The following CHD2 variants were observed in gnomAD, a reference collection of about 807,000 sequenced individuals.
CHD2 encodes ATP-dependent chromatin remodeler CHD2.
In CHD2, 28 loss-of-function variants were observed where a neutral mutation model predicts 243.9. The observed-to-expected ratio is 0.11, with a 90% CI of 0.09 to 0.16. CHD2 has a LOEUF of 0.16. CHD2 is among the 10% of genes least tolerant of loss of function. The pLI, the probability that CHD2 is intolerant of heterozygous loss-of-function variation, is 1.00. For missense variants in CHD2, 1,386 were observed against 2,209.8 expected (o/e 0.63, Z 7.47); for synonymous variants, 775 against 779.0 (o/e 0.99, Z 0.09).
intron 2 of CHD2, chr15:92,904,953 G>A (rs2052591958): frequency 6.5e-7 from 1 of 1,535,992 alleles, no homozygotes; most frequent in Non-Finnish European, 8.7e-7. Context: ...GTCCCCATGC[G>A]TTTTTACTTG....
At chr15:92,914,029 C>T (rs1219542671) in intron 2 of CHD2, among the ~76,000 whole-genome samples, 1 of 152,154 alleles carries the variant, frequency 6.6e-6, no homozygotes, top group Non-Finnish European at 1.5e-5. Flanking sequence ...GTAATCAGAT[C>T]TTTTAATCTC....
rs2053278564 is a variant in CHD2, at chr15:92,937,056, G to T, written c.444-462G>T. Among the ~76,000 whole-genome samples the T allele has an allele frequency of 2.6e-5, 4 of 152,152 alleles. No homozygotes were observed. The South Asian group carries it at 8.3e-4, about 32-fold the overall frequency. ...TTTTAACTTTAATTTTTCTGGAGAGGTGTCTTGTATTGCTCAGCTTGGTCT... is the reference window on the plus strand; with the variant it reads ...TTTTAACTTTAATTTTTCTGGAGAGTTGTCTTGTATTGCTCAGCTTGGTCT... On this transcript the variant is annotated intron_variant, in intron 5 of 38. Transcript: ENST00000394196.
At chr15:93,001,182 G>C (rs1414458708) in intron 32 of CHD2, among the ~76,000 whole-genome samples, 1 of 152,060 alleles carries the variant, frequency 6.6e-6, no homozygotes, top group Non-Finnish European at 1.5e-5. Context: ...AAGTTTTAAT[G>C]ATAAATGGCG....
In CHD2 at chr15:92,967,306, T is replaced by C; in HGVS notation, c.2001-19T>C. ...TTTCCTCAATGTGGCTAAATAACACTATACTGTTTCTTCCCTAGGTTTGAA... is the reference window on the plus strand; with the variant it reads ...TTTCCTCAATGTGGCTAAATAACACCATACTGTTTCTTCCCTAGGTTTGAA... On this transcript the variant is annotated intron_variant, in intron 16 of 38. Coordinates refer to ENST00000394196, the MANE Select transcript of CHD2 (RefSeq NM_001271.4). 6.4e-7 allele frequency: 1 copy of C among 1,573,328 alleles called. No homozygotes were observed. The highest frequency in any genetic ancestry group is 8.7e-7 in the Non-Finnish European group (1 of 1,155,696).
rs1208486495 is a variant in CHD2 at position 92,900,837 on chromosome 15, T to TC, written c.-72+14dup. The TC allele has an allele frequency of 2.5e-6, 1 of 407,630 alleles. No individual in the cohort carries two copies. The highest frequency in any genetic ancestry group is 4.3e-6 in the Non-Finnish European group (1 of 232,554). 25.3% of individuals were successfully genotyped at this position (407,630 alleles called of 1,614,324 possible). A position where few individuals can be genotyped will look rare whatever the true frequency, so the allele number is the denominator to read the frequency against. On this transcript the variant is annotated intron_variant, in intron 1 of 38. Transcript: ENST00000394196. ...CTACATGGATCAGGTAAGTTCACGA[T>TC]CATTGGTGATAATTTTAAAGATTTA...
At chr15:93,006,126 T>C (rs112512399) in intron 34 of CHD2, among the ~76,000 whole-genome samples, 93 of 128,972 alleles carry the variant, frequency 7.2e-4, no homozygotes, top group East Asian at 4.6e-3. Flanking sequence ...CTCTCTCTCT[T>C]TTTTTTTTTT....
intron 33 of CHD2, among the ~76,000 whole-genome samples, chr15:93,003,313 T>G (rs1038091289): frequency 6.6e-6 from 1 of 150,984 alleles, no homozygotes; most frequent in Non-Finnish European, 1.5e-5. Flanking sequence ...AAATCATTTT[T>G]AATAGTTGGG....
intron 5 of CHD2, among the ~76,000 whole-genome samples, chr15:92,937,261 T>C (rs1307830736): frequency 8.1e-6 from 1 of 124,058 alleles, no homozygotes; most frequent in Non-Finnish European, 1.7e-5. Context: ...ATCTTGTCAA[T>C]AAGAGTAGTA....
chr15:92,937,382 C>A, intron 5 of CHD2, 136 bp from the exon 6 acceptor site: 1 of 606,642 alleles, frequency 1.6e-6, no homozygotes, highest in South Asian at 2.1e-5. Context: ...TTAAATGGAG[C>A]TAGAATCTCT....
chr15:92,951,797 G>A (rs2053557695), intron 13 of CHD2, among the ~76,000 whole-genome samples: 1 of 152,146 alleles, frequency 6.6e-6, no homozygotes, highest in African/African-American at 2.4e-5. Context: ...GAGATGTATA[G>A]GGGTATGGCT....
intron 2 of CHD2, among the ~76,000 whole-genome samples, chr15:92,911,806 A>G (rs925470261): frequency 5.3e-5 from 8 of 152,284 alleles, no homozygotes; most frequent in Non-Finnish European, 1.0e-4. Flanking sequence ...GACTGCGGAA[A>G]ATAGTAAAAA....
At chr15:93,001,589 T>C (rs2054257211) in intron 32 of CHD2, among the ~76,000 whole-genome samples, 1 of 152,144 alleles carries the variant, frequency 6.6e-6, no homozygotes, top group Non-Finnish European at 1.5e-5. Flanking sequence ...CGATCTGGGC[T>C]CACAGCAGCT....
intron 16 of CHD2, among the ~76,000 whole-genome samples, chr15:92,957,110 A>C (rs2053625993): frequency 6.6e-6 from 1 of 152,240 alleles, no homozygotes; most frequent in African/African-American, 2.4e-5. Context: ...GATGATATGC[A>C]CATTTCATAA....
rs1276545339 is a variant in CHD2, at chr15:92,985,486, G to T, written c.3238-12G>T. On this transcript the variant is annotated splice_polypyrimidine_tract_variant and intron_variant, in intron 25 of 38. Coordinates refer to ENST00000394196, the MANE Select transcript of CHD2 (RefSeq NM_001271.4). ...ACTTGTTACAGTGTGACTTTGCCTCGATCTTTCTCAGGCTCAGACAAATGA... is the reference window on the plus strand; with the variant it reads ...ACTTGTTACAGTGTGACTTTGCCTCTATCTTTCTCAGGCTCAGACAAATGA... 6.2e-7 allele frequency: 1 copy of T among 1,601,792 alleles called. No homozygotes were observed. The highest frequency in any genetic ancestry group is 1.7e-5 in the Admixed American group (1 of 58,860).
intron 7 of CHD2, among the ~76,000 whole-genome samples, 168 bp from the exon 8 acceptor site, chr15:92,941,654 C>G (rs1010274111): frequency 6.6e-6 from 1 of 152,114 alleles, no homozygotes; most frequent in Non-Finnish European, 1.5e-5. Context: ...TTCATCAGCA[C>G]TTTAGGAAAA....
chr15:92,952,144 C>G (rs527535651), intron 13 of CHD2, among the ~76,000 whole-genome samples: 2 of 152,296 alleles, frequency 1.3e-5, no homozygotes, highest in East Asian at 3.9e-4. Flanking sequence ...ATTTTCCTAA[C>G]TCTGGCTGTT....
At chr15:92,975,611 A>G (rs2053897085) in intron 20 of CHD2, among the ~76,000 whole-genome samples, 1 of 151,988 alleles carries the variant, frequency 6.6e-6, no homozygotes, top group Non-Finnish European at 1.5e-5. Flanking sequence ...AGTGGAGACA[A>G]CCTGAAGTAG....
chr15:93,014,673 T>C, intron 36 of CHD2, 23 bp from the exon 37 acceptor site: 1 of 1,607,002 alleles, frequency 6.2e-7, no homozygotes, highest in Non-Finnish European at 8.5e-7. Context: ...CTTGAGCTTC[T>C]TTGGTTTCCT....
At chr15:92,948,862 T>A (rs905412851) in intron 12 of CHD2, 90 bp from the exon 13 acceptor site, 1 of 1,434,578 alleles carries the variant, frequency 7.0e-7, no homozygotes, top group Non-Finnish European at 9.5e-7. Flanking sequence ...TGAGTTTTTA[T>A]GCTTTGATGC....
Sources: allele counts gnomAD v4.1 joint callset (sites outside exome capture counted in the v4.1 genomes callset), GRCh38; gene constraint gnomAD v4.1.1; transcripts MANE v1.5; gene names NCBI Gene and HGNC (gene_info 2026-07-23, HGNC 2026-07-21).